VPS41: variants seen among roughly 807,000 people sequenced by gnomAD.
VPS41 encodes the protein vacuolar protein sorting-associated protein 41 homolog.
In VPS41, 85 loss-of-function variants were observed where a neutral mutation model predicts 130.9. The observed-to-expected ratio is 0.65, with a 90% CI of 0.55 to 0.78. The LOEUF (loss-of-function observed/expected upper bound fraction) is 0.78. VPS41 is among the 30% of genes least tolerant of loss of function. VPS41 has a pLI of 0.00. For missense variants in VPS41, 874 were observed against 1,018.7 expected (o/e 0.86, Z 1.93); for synonymous variants, 335 against 332.9 (o/e 1.01, Z -0.07).
chr7:38,762,063 CAAAAT>C (rs1191429819), intron 17 of VPS41, among the ~76,000 whole-genome samples: 2 of 152,082 alleles, frequency 1.3e-5, no homozygotes, highest in African/African-American at 2.4e-5. Flanking sequence ...ACTTCGAACA[CAAAAT>C]AAAGACAAAA....
At chr7:38,779,115 A>G (rs2115883826) in intron 10 of VPS41, among the ~76,000 whole-genome samples, 1 of 152,384 alleles carries the variant, frequency 6.6e-6, no homozygotes, top group Admixed American at 6.5e-5. Context: ...ATGTTGTAAT[A>G]AACGCTTACT....
intron 5 of VPS41, among the ~76,000 whole-genome samples, chr7:38,825,647 A>C (rs1785258807): frequency 6.6e-6 from 1 of 152,146 alleles, no homozygotes; most frequent in Non-Finnish European, 1.5e-5. Context: ...AAAAAAAAAT[A>C]CCTAATGAAG....
rs778848629 is a variant in VPS41, at chr7:38,862,627, A to G, written c.169-5T>C. 2 of 1,582,098 alleles carry G rather than the reference A, an allele frequency of 1.3e-6. No homozygotes were observed. Among genetic ancestry groups the G allele is most frequent in the Non-Finnish European group, 1.7e-6 (2 of 1,156,718 alleles). ...ATGTGTGCCCAATGCCAAAAACTGT[A>G]AGAAGAACAAAGAGGCCAGTTAATT... is the stretch of plus-strand genomic sequence containing the variant. On this transcript the variant is annotated splice_polypyrimidine_tract_variant and splice_region_variant and intron_variant, in intron 3 of 28. Transcript: ENST00000310301.
At chr7:38,853,157 C>T (rs998122933) in intron 4 of VPS41, among the ~76,000 whole-genome samples, 2 of 152,118 alleles carry the variant, frequency 1.3e-5, no homozygotes, top group East Asian at 1.9e-4. Flanking sequence ...CGGTGGCTCA[C>T]GCCTGTAATC....
intron 2 of VPS41, among the ~76,000 whole-genome samples, chr7:38,881,899 G>A (rs948173463): frequency 3.3e-5 from 5 of 151,892 alleles, no homozygotes; most frequent in African/African-American, 9.7e-5. Flanking sequence ...CATACATATG[G>A]ACAAAAAATA....
Position 38,756,821 on chromosome 7 carries a change from A to C in VPS41, c.1695+17T>G, listed in dbSNP as rs758899478. The C allele has an allele frequency of 3.4e-6, 5 of 1,485,434 alleles. No homozygotes were observed. Among genetic ancestry groups the C allele is most frequent in the Non-Finnish European group, 3.7e-6 (4 of 1,088,550 alleles). The allele number at this position is 1,485,434 out of a possible 1,614,324, so 92.0% of individuals were successfully genotyped here. On this transcript the variant is annotated intron_variant, in intron 19 of 28. Transcript: ENST00000310301. ...TAGTAAAAATAATTGACAGTACTAA[A>C]ATAAAAAGCACATTACCTCTGAATC...
chr7:38,737,726 CCATCACAGTGGA>C, intron 25 of VPS41, among the ~76,000 whole-genome samples: 1 of 152,178 alleles, frequency 6.6e-6, no homozygotes, highest in Non-Finnish European at 1.5e-5. Flanking sequence ...AGAGGAGTTT[CCATCACAGTGGA>C]AACTCCTGAG....
chr7:38,746,854 C>T (rs1795994546), intron 22 of VPS41, among the ~76,000 whole-genome samples: 1 of 152,174 alleles, frequency 6.6e-6, no homozygotes, highest in South Asian at 2.1e-4. Context: ...CTTACCCTGA[C>T]TCTCCACTAT....
At chr7:38,907,956 G>A (rs941441770) in intron 1 of VPS41, among the ~76,000 whole-genome samples, 16 of 152,166 alleles carry the variant, frequency 1.1e-4, no homozygotes, top group Non-Finnish European at 4.4e-5. Context: ...GGAAATAGGA[G>A]TCTCTAGTGT....
intron 5 of VPS41, among the ~76,000 whole-genome samples, chr7:38,825,891 C>T (rs1459651114): frequency 6.6e-6 from 1 of 152,160 alleles, no homozygotes; most frequent in Non-Finnish European, 1.5e-5. Context: ...GGGCAACAGC[C>T]CTGATGCAGA....
At chr7:38,901,378 T>C (rs1787139342) in intron 1 of VPS41, among the ~76,000 whole-genome samples, 1 of 152,122 alleles carries the variant, frequency 6.6e-6, no homozygotes, top group Non-Finnish European at 1.5e-5. Flanking sequence ...GGTTCTGCAG[T>C]CTGTACCAGA....
intron 4 of VPS41, chr7:38,831,377 C>T: frequency 5.2e-6 from 2 of 387,792 alleles, no homozygotes; most frequent in South Asian, 2.0e-5. Flanking sequence ...CTCTGCTGCA[C>T]TAACACATGC....
At chr7:38,878,895 A>C (rs1324067886) in intron 2 of VPS41, among the ~76,000 whole-genome samples, 2 of 152,254 alleles carry the variant, frequency 1.3e-5, no homozygotes, top group Non-Finnish European at 2.9e-5. Flanking sequence ...ACAGGTGCCA[A>C]CAATCACTTC....
Position 38,750,525 on chromosome 7 carries a change from T to C in VPS41, c.1926+1651A>G, listed in dbSNP as rs73125622. On this transcript the variant is annotated intron_variant, in intron 22 of 28. Transcript: ENST00000310301. ...AAAACATAATTGGTTTTACTATGCT[T>C]GTGCTGAGTTCTTTTACATTCAATA... Among the ~76,000 whole-genome samples, 683 of 152,342 alleles carry C rather than the reference T, an allele frequency of 4.5e-3. 4 individuals carry two copies. The highest frequency in any genetic ancestry group is 5.6e-3 in the Non-Finnish European group (381 of 68,020).
intron 17 of VPS41, among the ~76,000 whole-genome samples, chr7:38,759,161 T>C (rs1248233080): frequency 3.3e-5 from 5 of 152,216 alleles, no homozygotes; most frequent in Non-Finnish European, 1.5e-5. Context: ...CTATAACTTG[T>C]GATTGGTATG....
At chr7:38,842,770 C>G (rs1051609538) in intron 4 of VPS41, among the ~76,000 whole-genome samples, 2 of 152,220 alleles carry the variant, frequency 1.3e-5, no homozygotes, top group Non-Finnish European at 2.9e-5. Flanking sequence ...GCATCACCTC[C>G]TATGGGAAGG....
At chr7:38,883,996 C>A (rs971352130) in intron 2 of VPS41, among the ~76,000 whole-genome samples, 1 of 152,126 alleles carries the variant, frequency 6.6e-6, no homozygotes, top group African/African-American at 2.4e-5. Context: ...ACACTATAAC[C>A]CTATGCTCCA....
chr7:38,909,029 G>A lies in VPS41; in HGVS notation c.21+125C>T, dbSNP rs757789403. 1.1e-4 allele frequency: 124 copies of A among 1,115,810 alleles called. No individual in the cohort carries two copies. The highest frequency in any genetic ancestry group is 1.0e-4 in the Non-Finnish European group (76 of 758,468). The allele number at this position is 1,115,810 out of a possible 1,614,324, so 69.1% of individuals were successfully genotyped here. ...AACTTTCGCCATCCCACCCCGCCCTGCCGCGGACCTGCCTTGCGCTATTCC... is the reference window on the plus strand; with the variant it reads ...AACTTTCGCCATCCCACCCCGCCCTACCGCGGACCTGCCTTGCGCTATTCC... On this transcript the variant is annotated intron_variant, in intron 1 of 28. Coordinates refer to ENST00000310301, the MANE Select transcript of VPS41 (RefSeq NM_014396.4).
intron 23 of VPS41, among the ~76,000 whole-genome samples, chr7:38,744,615 T>C (rs1445431759): frequency 6.6e-6 from 1 of 152,184 alleles, no homozygotes. Flanking sequence ...TCCACCAAAA[T>C]ATTTCTTGGG....
Sources: gnomAD v4.1 joint callset for allele counts (sites outside exome capture counted in the v4.1 genomes callset) on GRCh38, gnomAD v4.1.1 for gene constraint, MANE v1.5 for transcripts, NCBI Gene and HGNC (gene_info 2026-07-23, HGNC 2026-07-21) for gene names.